The following TEKT5 variants were observed in gnomAD, a reference collection of about 807,000 sequenced individuals.
The protein encoded by TEKT5 is tektin-5.
Under a neutral mutation model 48.7 loss-of-function variants are expected in TEKT5, and 52 were observed. The observed-to-expected ratio is 1.07, with a 90% CI of 0.86 to 1.35. TEKT5 has a LOEUF of 1.35. Among genes scored for constraint, TEKT5 ranks in the 40% most tolerant of loss-of-function variants. The pLI, the probability that TEKT5 is intolerant of heterozygous loss-of-function variation, is 0.00. For synonymous variants in TEKT5, 318 were observed against 267.6 expected, an observed-to-expected ratio of 1.19 and a Z score of -1.84; for missense variants, 831 against 641.6, an observed-to-expected ratio of 1.30 and a Z score of -3.19.
At chr16:10,689,901 G>A (rs772732803) in intron 2 of TEKT5, 41 bp downstream of exon 2, 27 of 1,602,398 alleles carry the variant, frequency 1.7e-5, no homozygotes, top group South Asian at 1.7e-4. Context: ...TGGCCTTCCC[G>A]CCTCCTTCAG....
chr16:10,683,752 G>A (rs1413578595), intron 3 of TEKT5, among the ~76,000 whole-genome samples: 5 of 152,016 alleles, frequency 3.3e-5, no homozygotes, highest in Non-Finnish European at 7.4e-5. Context: ...CACCACTCCC[G>A]GCTGATTTTT....
rs1458583507 is a variant in TEKT5, at chr16:10,676,125, T to C, written c.920A>G (p.Gln307Arg). 3 of 1,614,024 alleles carry C rather than the reference T, an allele frequency of 1.9e-6. No individual in the cohort carries two copies. Among genetic ancestry groups the C allele is most frequent in the Non-Finnish European group, 2.5e-6 (3 of 1,179,962 alleles). ...CTGGATGGAGTTGGCCCGCATGTTCTGAGAGTGTTTGATGTTGTCGTTACT... is the reference window on the plus strand; with the variant it reads ...CTGGATGGAGTTGGCCCGCATGTTCCGAGAGTGTTTGATGTTGTCGTTACT... ...KFSNDNIKHS[Q>R]NMRANSIQLR... Residue 307 changes from glutamine (Q) to arginine (R), a missense_variant, in exon 5 of 7, where the codon CAG (glutamine) becomes CGG (arginine). Transcript: ENST00000283025.
intron 2 of TEKT5, among the ~76,000 whole-genome samples, chr16:10,689,599 T>TG (rs2142315576): frequency 6.6e-6 from 1 of 151,070 alleles, no homozygotes; most frequent in South Asian, 2.1e-4. Flanking sequence ...ACCTACCATG[T>TG]GCCAAGCACT....
chr16:10,678,464 T>A (rs1078313), intron 4 of TEKT5, among the ~76,000 whole-genome samples: 1 of 151,856 alleles, frequency 6.6e-6, no homozygotes, highest in South Asian at 2.1e-4. Context: ...ATCATATAGC[T>A]TGTGTGATTG....
intron 5 of TEKT5, among the ~76,000 whole-genome samples, chr16:10,656,931 G>A (rs1898272169): frequency 6.6e-6 from 1 of 150,770 alleles, no homozygotes; most frequent in Non-Finnish European, 1.5e-5. Flanking sequence ...GTAGAGATGG[G>A]GTCTGCTAGA....
chr16:10,663,734 C>A (rs954752545), intron 5 of TEKT5, among the ~76,000 whole-genome samples: 1 of 152,210 alleles, frequency 6.6e-6, no homozygotes. Context: ...TCCCTGGTCT[C>A]TACCCACTAG....
intron 1 of TEKT5, chr16:10,690,721 G>A (rs1898957229): frequency 1.0e-6 from 1 of 985,302 alleles, no homozygotes; most frequent in African/African-American, 1.7e-5. Flanking sequence ...CCTGGGCAGA[G>A]CAGAAGAGAG....
chr16:10,631,741 G>C (rs1207611999), intron 6 of TEKT5, among the ~76,000 whole-genome samples: 4 of 152,136 alleles, frequency 2.6e-5, no homozygotes, highest in Non-Finnish European at 5.9e-5. Flanking sequence ...GCAGAGATGG[G>C]AGCGATGCGG....
At chr16:10,683,078 T>C (rs1391688539) in intron 3 of TEKT5, among the ~76,000 whole-genome samples, 4 of 152,028 alleles carry the variant, frequency 2.6e-5, no homozygotes, top group African/African-American at 7.3e-5. Flanking sequence ...GGTTTGAAAA[T>C]ATGAAACAAC....
chr16:10,635,689 A>G, intron 6 of TEKT5, 75 bp downstream of exon 6: 1 of 1,550,676 alleles, frequency 6.4e-7, no homozygotes, highest in Non-Finnish European at 8.7e-7. Flanking sequence ...TGCACCTAGA[A>G]GCTCCTGAGA....
intron 3 of TEKT5, among the ~76,000 whole-genome samples, chr16:10,684,010 T>C (rs1370110451): frequency 6.6e-6 from 1 of 152,202 alleles, no homozygotes; most frequent in Non-Finnish European, 1.5e-5. Context: ...ACCTAAATAT[T>C]AATACTACGT....
chr16:10,684,692 G>A (rs904927398), intron 3 of TEKT5, among the ~76,000 whole-genome samples: 5 of 152,190 alleles, frequency 3.3e-5, no homozygotes, highest in African/African-American at 9.6e-5. Flanking sequence ...AGAGTCCAGC[G>A]TGTCCAGCTG....
At chr16:10,655,238 C>T (rs1198191738) in intron 5 of TEKT5, among the ~76,000 whole-genome samples, 1 of 152,070 alleles carries the variant, frequency 6.6e-6, no homozygotes, top group Non-Finnish European at 1.5e-5. Context: ...CCTTTACAAA[C>T]AGCCTCCAAC....
chr16:10,666,924 C>T (rs541908365), intron 5 of TEKT5, among the ~76,000 whole-genome samples: 46 of 151,776 alleles, frequency 3.0e-4, no homozygotes, highest in African/African-American at 1.1e-3. Flanking sequence ...ACTATTCTGC[C>T]AGGGATTCCG....
chr16:10,688,511 T>C (rs1052187105), intron 3 of TEKT5, among the ~76,000 whole-genome samples: 1 of 152,184 alleles, frequency 6.6e-6, no homozygotes, highest in African/African-American at 2.4e-5. Flanking sequence ...GTTGCCAGGC[T>C]GTCCCGTGCT....
At chr16:10,638,810 C>G (rs180908451) in intron 5 of TEKT5, among the ~76,000 whole-genome samples, 13 of 152,296 alleles carry the variant, frequency 8.5e-5, no homozygotes, top group Admixed American at 2.0e-4. Flanking sequence ...ACCAGTGAAG[C>G]CTTACTTGAA....
intron 5 of TEKT5, among the ~76,000 whole-genome samples, chr16:10,651,693 C>A (rs185793792): frequency 6.6e-6 from 1 of 152,296 alleles, no homozygotes; most frequent in East Asian, 1.9e-4. Flanking sequence ...GGTGTGGTGG[C>A]TCTCACCTGT....
At chr16:10,674,514 A>G (rs149001264) in intron 5 of TEKT5, among the ~76,000 whole-genome samples, 310 of 147,524 alleles carry the variant, frequency 2.1e-3, no homozygotes, top group Non-Finnish European at 3.2e-3. Flanking sequence ...ACGCACACGT[A>G]GTCTCAGCTA....
At chr16:10,661,404 C>G (rs1264139225) in intron 5 of TEKT5, among the ~76,000 whole-genome samples, 1 of 152,210 alleles carries the variant, frequency 6.6e-6, no homozygotes, top group African/African-American at 2.4e-5. Context: ...ACCCAGGCCC[C>G]ACCCCAGATC....
Sources: allele counts gnomAD v4.1 joint callset (sites outside exome capture counted in the v4.1 genomes callset), GRCh38; gene constraint gnomAD v4.1.1; transcripts MANE v1.5; gene names NCBI Gene and HGNC (gene_info 2026-07-23, HGNC 2026-07-21).